R3HCC1L: variants seen among roughly 807,000 people sequenced by gnomAD.
R3HCC1L encodes R3H domain and coiled-coil containing 1 like.
A neutral mutation model predicts 59.9 loss-of-function variants in R3HCC1L; 51 were observed. The ratio of observed to expected loss-of-function variants is 0.85; its 90% CI spans 0.68 to 1.07. The LOEUF is 1.07. R3HCC1L is among the 50% of genes least tolerant of loss of function. R3HCC1L has a pLI of 0.00. For missense variants in R3HCC1L, 965 were observed against 933.0 expected, an observed-to-expected ratio of 1.03 and a Z score of -0.45; for synonymous variants, 322 against 315.2, an observed-to-expected ratio of 1.02 and a Z score of -0.23.
intron 5 of R3HCC1L, among the ~76,000 whole-genome samples, chr10:98,225,029 A>G (rs1314015930): frequency 1.3e-5 from 2 of 152,254 alleles, no homozygotes; most frequent in African/African-American, 4.8e-5. Context: ...CCATTTCAAC[A>G]TGTAATCGGT....
chr10:98,210,847 G>A (rs1315574292), intron 5 of R3HCC1L, among the ~76,000 whole-genome samples: 1 of 152,174 alleles, frequency 6.6e-6, no homozygotes, highest in African/African-American at 2.4e-5. Context: ...TGAATACTAA[G>A]TGATGAGTCT....
intron 5 of R3HCC1L, among the ~76,000 whole-genome samples, chr10:98,225,619 A>C (rs1564725556): frequency 6.6e-6 from 1 of 152,218 alleles, no homozygotes; most frequent in Non-Finnish European, 1.5e-5. Context: ...AACTGATCAG[A>C]AGTATGTAAC....
intron 4 of R3HCC1L, among the ~76,000 whole-genome samples, chr10:98,207,113 C>T (rs891351667): frequency 2.0e-5 from 3 of 152,160 alleles, no homozygotes; most frequent in African/African-American, 7.2e-5. Context: ...TTCTCATTAT[C>T]TCCTTCTTTT....
intron 4 of R3HCC1L, among the ~76,000 whole-genome samples, chr10:98,164,773 AAGTT>A (rs1847773132): frequency 6.6e-6 from 1 of 152,098 alleles, no homozygotes; most frequent in African/African-American, 2.4e-5. Context: ...GGTTGTGTGT[AAGTT>A]AGAGGAGGTG....
At chr10:98,234,780 T>C (rs1312886969) in intron 7 of R3HCC1L, among the ~76,000 whole-genome samples, 7 of 152,160 alleles carry the variant, frequency 4.6e-5, no homozygotes, top group Non-Finnish European at 8.8e-5. Context: ...CGTAAACAGA[T>C]TAAGGTAGAG....
At chr10:98,172,834 A>G (rs1848646012) in intron 4 of R3HCC1L, among the ~76,000 whole-genome samples, 1 of 152,164 alleles carries the variant, frequency 6.6e-6, no homozygotes, top group East Asian at 1.9e-4. Flanking sequence ...CCCATACAAA[A>G]TTTGACTAAA....
chr10:98,237,391 G>T (rs1857077225), intron 9 of R3HCC1L, among the ~76,000 whole-genome samples: 1 of 152,106 alleles, frequency 6.6e-6, no homozygotes, highest in Non-Finnish European at 1.5e-5. Context: ...AAGGGGATAT[G>T]ACTCCCTTTG....
rs773441420 is a variant in R3HCC1L at position 98,209,588 on chromosome 10, A to T, written c.1474A>T (p.Ser492Cys). ...NYNTFLDSEL[S>C]MLNGTKVLSD... is the part of the protein sequence containing the mutation. The stretch of plus-strand genomic sequence containing the variant: ...TAACACTTTTTTGGACTCTGAACTC[A>T]GTATGTTAAATGGGACAAAAGTTCT... The change falls in exon 5 of 10, where the codon AGT becomes TGT. Residue 492 changes from serine (S) to cysteine (C), a missense_variant. Coordinates refer to ENST00000298999, the MANE Select transcript of R3HCC1L (RefSeq NM_001351015.2). The T allele has an allele frequency of 1.2e-6, 2 of 1,614,036 alleles. No homozygotes were observed. The highest frequency in any genetic ancestry group is 3.3e-5 in the Admixed American group (2 of 60,002).
chr10:98,139,329 A>T (rs1051642917), intron 1 of R3HCC1L, among the ~76,000 whole-genome samples: 3 of 152,250 alleles, frequency 2.0e-5, no homozygotes, highest in Admixed American at 2.0e-4. Flanking sequence ...CACACTATGT[A>T]TAAAACTCGT....
intron 4 of R3HCC1L, among the ~76,000 whole-genome samples, chr10:98,179,598 C>G (rs1197670935): frequency 6.6e-6 from 1 of 152,046 alleles, no homozygotes; most frequent in Non-Finnish European, 1.5e-5. Flanking sequence ...AGGGAGGATT[C>G]CCTCTTTTTC....
chr10:98,215,970 A>G (rs7898565), intron 5 of R3HCC1L, among the ~76,000 whole-genome samples: 145,730 of 152,290 alleles, frequency 0.96, 70,035 homozygotes, highest in East Asian at 1. Context: ...GGGAGAAGAC[A>G]GAACATGAGC....
At chr10:98,183,726 G>A (rs1397930842) in intron 4 of R3HCC1L, among the ~76,000 whole-genome samples, 1 of 151,962 alleles carries the variant, frequency 6.6e-6, no homozygotes, top group Non-Finnish European at 1.5e-5. Context: ...CTTCTGATAA[G>A]GTTGTTGAAA....
chr10:98,154,626 G>T (rs1010294598), intron 1 of R3HCC1L, among the ~76,000 whole-genome samples: 4 of 152,006 alleles, frequency 2.6e-5, no homozygotes, highest in South Asian at 2.1e-4. Context: ...TGCTGGAGAG[G>T]CTGGGAAATG....
At chr10:98,231,810 T>G (rs1250104947) in intron 6 of R3HCC1L, 123 bp downstream of exon 6, 1 of 1,069,684 alleles carries the variant, frequency 9.3e-7, no homozygotes, top group East Asian at 2.6e-5. Flanking sequence ...CAGGCTGGTT[T>G]ATTGTCTTTT....
At chr10:98,196,598 CTT>C (rs1179056394) in intron 4 of R3HCC1L, among the ~76,000 whole-genome samples, 2 of 151,968 alleles carry the variant, frequency 1.3e-5, no homozygotes, top group Non-Finnish European at 2.9e-5. Context: ...TTTCTCCTCT[CTT>C]CTTTCACATC....
At position 98,209,791 on chromosome 10, in the gene R3HCC1L, A is replaced by G; in HGVS notation, c.1677A>G (p.Pro559=). 2.5e-6 allele frequency: 4 copies of G among 1,613,912 alleles called. No homozygotes were observed. Among genetic ancestry groups the G allele is most frequent in the Non-Finnish European group, 2.5e-6 (3 of 1,179,834 alleles). ...ESSSMETSIE[P]KATETSHTEG... The stretch of plus-strand genomic sequence containing the variant: ...CATCTATGGAAACATCCATCGAACC[A>G]AAAGCAACTGAAACTTCTCACACAG... The change falls in exon 5 of 10, where the codon CCA becomes CCG. Residue 559 remains proline, a synonymous_variant. Coordinates refer to ENST00000298999, the MANE Select transcript of R3HCC1L (RefSeq NM_001351015.2).
At chr10:98,149,291 G>C (rs760728442) in intron 1 of R3HCC1L, among the ~76,000 whole-genome samples, 159 of 152,030 alleles carry the variant, frequency 1.0e-3, no homozygotes, top group Non-Finnish European at 1.4e-3. Flanking sequence ...TGTCGATTTT[G>C]TTTCTCTTTT....
chr10:98,145,622 T>C (rs1311750393), intron 1 of R3HCC1L, among the ~76,000 whole-genome samples: 2 of 152,244 alleles, frequency 1.3e-5, no homozygotes, highest in Non-Finnish European at 2.9e-5. Flanking sequence ...GAATTTGTCT[T>C]TTGAAACTGC....
intron 4 of R3HCC1L, among the ~76,000 whole-genome samples, chr10:98,172,271 G>C (rs1848590646): frequency 6.6e-6 from 1 of 152,164 alleles, no homozygotes; most frequent in East Asian, 1.9e-4. Flanking sequence ...AAATTTGGCA[G>C]GCAAACTAGC....
Sources: gnomAD v4.1 joint callset for allele counts (sites outside exome capture counted in the v4.1 genomes callset) on GRCh38, gnomAD v4.1.1 for gene constraint, MANE v1.5 for transcripts, NCBI Gene and HGNC (gene_info 2026-07-23, HGNC 2026-07-21) for gene names.